Variants in MMP26 observed in about 807,000 individuals in gnomAD.
MMP26 encodes matrix metallopeptidase 26, also known as matrix metalloproteinase-26.
MMP26 carries 33 observed loss-of-function variants against 31.0 expected under a neutral mutation model. The ratio of observed to expected loss-of-function variants is 1.06; its 90% CI spans 0.81 to 1.42. MMP26 has a LOEUF of 1.42. Ranked by LOEUF, MMP26 falls within the 40% of genes most tolerant of loss-of-function variation. The pLI, the probability that MMP26 is intolerant of heterozygous loss-of-function variation, is 0.00. For synonymous variants in MMP26, 122 were observed against 114.9 expected, an observed-to-expected ratio of 1.06 and a Z score of -0.40; for missense variants, 347 against 316.1, an observed-to-expected ratio of 1.10 and a Z score of -0.74.
chr11:4,900,463 G>C (rs570858743), intron 2 of MMP26, among the ~76,000 whole-genome samples: 1 of 152,268 alleles, frequency 6.6e-6, no homozygotes, highest in Non-Finnish European at 1.5e-5. Context: ...ATATTTAGTA[G>C]AAAGAGAAGT....
chr11:4,943,175 G>T, intron 2 of MMP26: 1 of 187,540 alleles, frequency 5.3e-6, no homozygotes, highest in South Asian at 1.0e-4. Flanking sequence ...ATGTCCAATA[G>T]AAAAACAAAA....
chr11:4,709,524 A>G, intron 1 of MMP26: 1 of 384,192 alleles, frequency 2.6e-6, no homozygotes, highest in African/African-American at 2.1e-5. Flanking sequence ...CCATTATTAC[A>G]GGACATAGTT....
chr11:4,731,511 G>A (rs557889417), intron 1 of MMP26, among the ~76,000 whole-genome samples: 88 of 152,280 alleles, frequency 5.8e-4, no homozygotes, highest in African/African-American at 2.0e-3. Context: ...TGATCTGTCT[G>A]TACCCTGACA....
intron 2 of MMP26, chr11:4,915,273 T>G: frequency 6.2e-7 from 1 of 1,613,904 alleles, no homozygotes; most frequent in Non-Finnish European, 8.5e-7. Flanking sequence ...GGGTGGCAGA[T>G]AGCCACAAAG....
chr11:4,760,122 C>T (rs1848554518), intron 1 of MMP26, among the ~76,000 whole-genome samples: 1 of 152,070 alleles, frequency 6.6e-6, no homozygotes, highest in Admixed American at 6.5e-5. Flanking sequence ...GATTATTAGT[C>T]GTCTCAGATA....
chr11:4,712,699 T>G (rs1012335924), intron 1 of MMP26, among the ~76,000 whole-genome samples: 2 of 152,132 alleles, frequency 1.3e-5, no homozygotes, highest in Non-Finnish European at 2.9e-5. Flanking sequence ...CAATTACAGA[T>G]AATCTTGTAT....
At chr11:4,927,715 A>C (rs1224677937) in intron 2 of MMP26, among the ~76,000 whole-genome samples, 1 of 152,116 alleles carries the variant, frequency 6.6e-6, no homozygotes, top group Non-Finnish European at 1.5e-5. Flanking sequence ...CAGCTACAAG[A>C]CTATTCCGTT....
At chr11:4,882,106 A>G (rs140036782) in intron 2 of MMP26, 1,561 of 1,613,932 alleles carry the variant, frequency 9.7e-4, no homozygotes, top group Non-Finnish European at 1.1e-3. Flanking sequence ...CCATGCTGGC[A>G]GCTGTTGATC....
At chr11:4,908,751 AT>A (rs1470966377) in intron 2 of MMP26, 1 of 164,524 alleles carries the variant, frequency 6.1e-6, no homozygotes, top group African/African-American at 2.4e-5. Context: ...AGCAAGTGAT[AT>A]TTTGGATAAA....
At chr11:4,947,796 A>G (rs1413094173) in intron 2 of MMP26, among the ~76,000 whole-genome samples, 1 of 125,594 alleles carries the variant, frequency 8.0e-6, no homozygotes, top group Non-Finnish European at 1.8e-5. Flanking sequence ...GTTGATACCA[A>G]GGAAACAAAC....
intron 1 of MMP26, among the ~76,000 whole-genome samples, chr11:4,730,329 C>T (rs1405614522): frequency 6.6e-6 from 1 of 151,630 alleles, no homozygotes; most frequent in Admixed American, 6.6e-5. Context: ...ATTAATAGCA[C>T]CACTAAAGAG....
rs768026457 is a variant in MMP26 at position 4,989,659 on chromosome 11, T to C, written c.111T>C (p.His37=). ...TTGATCTGATTCAGGGCTATTTCCATCAATTTTTCCTGACCAAGAAGGAGT... is the reference window on the plus strand; with the variant it reads ...TTGATCTGATTCAGGGCTATTTCCACCAATTTTTCCTGACCAAGAAGGAGT... ...KGWDFVEGYF[H]QFFLTKKESP... Residue 37 remains histidine (H), a synonymous_variant, in exon 4 of 8, where the codon CAT becomes CAC. Coordinates refer to ENST00000380390, the MANE Select transcript of MMP26 (RefSeq NM_021801.5). 6 of 1,611,972 alleles carry C rather than the reference T, an allele frequency of 3.7e-6. No individual in the cohort carries two copies. Among genetic ancestry groups the C allele is most frequent in the Non-Finnish European group, 5.1e-6 (6 of 1,179,686 alleles).
intron 2 of MMP26, among the ~76,000 whole-genome samples, chr11:4,788,143 A>G (rs1848973739): frequency 6.6e-6 from 1 of 152,282 alleles, no homozygotes; most frequent in African/African-American, 2.4e-5. Flanking sequence ...CACACAGCAC[A>G]TTGGAAAATT....
At chr11:4,848,521 T>C in intron 2 of MMP26, 2 of 1,613,436 alleles carry the variant, frequency 1.2e-6, no homozygotes, top group Non-Finnish European at 1.7e-6. Flanking sequence ...TGCAACACCT[T>C]GCCAATCAGG....
intron 2 of MMP26, among the ~76,000 whole-genome samples, chr11:4,866,626 G>C (rs1409161238): frequency 1.3e-5 from 2 of 152,172 alleles, no homozygotes; most frequent in East Asian, 3.9e-4. Context: ...GAATAGCCAA[G>C]GCAATCTTAA....
intron 1 of MMP26, among the ~76,000 whole-genome samples, chr11:4,717,242 A>T (rs544951933): frequency 2.6e-5 from 4 of 152,206 alleles, no homozygotes; most frequent in Non-Finnish European, 4.4e-5. Context: ...TTATTTCCTT[A>T]TGATCCTCAG....
chr11:4,892,960 G>T (rs1399514938), intron 2 of MMP26, among the ~76,000 whole-genome samples: 1 of 151,950 alleles, frequency 6.6e-6, no homozygotes, highest in Non-Finnish European at 1.5e-5. Context: ...TTCTGCTAAC[G>T]TCAATCTTTT....
chr11:4,716,381 T>C (rs1420213693), intron 1 of MMP26, among the ~76,000 whole-genome samples: 6 of 152,088 alleles, frequency 3.9e-5, no homozygotes, highest in Non-Finnish European at 5.9e-5. Flanking sequence ...ACAAAGAATG[T>C]TTTGATCAAA....
intron 2 of MMP26, among the ~76,000 whole-genome samples, chr11:4,939,630 A>C (rs1051247244): frequency 6.6e-6 from 1 of 152,106 alleles, no homozygotes; most frequent in Admixed American, 6.5e-5. Context: ...AAGAATATGG[A>C]CAGTATGGGA....
Sources: allele counts gnomAD v4.1 joint callset (sites outside exome capture counted in the v4.1 genomes callset), GRCh38; gene constraint gnomAD v4.1.1; transcripts MANE v1.5; gene names NCBI Gene and HGNC (gene_info 2026-07-23, HGNC 2026-07-21).